Variants in CSMD1 observed in about 807,000 individuals in gnomAD.
CSMD1 encodes the protein CUB and sushi domain-containing protein 1.
CSMD1 carries 213 observed loss-of-function variants against 417.5 expected under a neutral mutation model. The observed-to-expected ratio is 0.51, with a 90% CI of 0.46 to 0.57. CSMD1 has a LOEUF of 0.57. CSMD1 is among the 20% of genes least tolerant of loss of function. The probability of loss-of-function intolerance (pLI) is 0.00; values close to 1 mark genes in which losing one functional copy is unlikely to be tolerated. For synonymous variants in CSMD1, 2,862 were observed against 1,736.8 expected (o/e 1.65, Z -16.11); for missense variants, 6,923 against 4,529.7 (o/e 1.53, Z -15.17).
At chr8:3,770,552 A>C (rs1411891181) in intron 5 of CSMD1, among the ~76,000 whole-genome samples, 1 of 152,152 alleles carries the variant, frequency 6.6e-6, no homozygotes, top group African/African-American at 2.4e-5. Flanking sequence ...ATAAAAAGTA[A>C]AGAAAGAACA....
At chr8:3,247,369 G>A (rs1407845893) in intron 26 of CSMD1, among the ~76,000 whole-genome samples, 4 of 152,024 alleles carry the variant, frequency 2.6e-5, no homozygotes, top group Non-Finnish European at 4.4e-5. Flanking sequence ...CTCCTGAACC[G>A]CTAGCAGTGA....
intron 3 of CSMD1, among the ~76,000 whole-genome samples, chr8:4,307,387 G>A (rs1798307242): frequency 6.6e-6 from 1 of 152,082 alleles, no homozygotes; most frequent in Non-Finnish European, 1.5e-5. Context: ...TTGGCCTCCT[G>A]CACTCTTTTC....
chr8:3,919,928 A>G (rs1809111356), intron 5 of CSMD1, among the ~76,000 whole-genome samples: 1 of 152,150 alleles, frequency 6.6e-6, no homozygotes, highest in South Asian at 2.1e-4. Context: ...TCTTTATCAG[A>G]TAATTTGACT....
chr8:3,762,102 C>G (rs1279650703), intron 5 of CSMD1, among the ~76,000 whole-genome samples: 2 of 152,138 alleles, frequency 1.3e-5, no homozygotes, highest in East Asian at 1.9e-4. Flanking sequence ...CCCACTCACT[C>G]CAGCTTGGCT....
rs2930376 is a variant in CSMD1, at chr8:3,904,459, G to T, written c.818+93444C>A. ...GTCTAGGAATGTCCCAGAGATTTCAGTAAATGCACATTTGGCCATGGTTGT... is the reference window on the plus strand; with the variant it reads ...GTCTAGGAATGTCCCAGAGATTTCATTAAATGCACATTTGGCCATGGTTGT... On this transcript the variant is annotated intron_variant, in intron 5 of 69. Transcript: ENST00000635120. Among the ~76,000 whole-genome samples the T allele has an allele frequency of 4.9e-4, 75 of 152,106 alleles. 2 individuals are homozygous for T. Among genetic ancestry groups the T allele is most frequent in the South Asian group, 3.1e-3 (15 of 4,816 alleles).
chr8:4,215,950 C>G (rs571766532), intron 3 of CSMD1, among the ~76,000 whole-genome samples: 6 of 152,242 alleles, frequency 3.9e-5, no homozygotes, highest in Non-Finnish European at 8.8e-5. Context: ...ATGCCAGTTT[C>G]TTTTGTTGGC....
intron 1 of CSMD1, among the ~76,000 whole-genome samples, chr8:4,902,213 T>C (rs1418858101): frequency 6.6e-6 from 1 of 151,468 alleles, no homozygotes; most frequent in African/African-American, 2.4e-5. Flanking sequence ...AGTTTGAAAC[T>C]CACCTGGGCA....
chr8:3,326,834 C>A lies in CSMD1; in HGVS notation c.3631+16460G>T, dbSNP rs901353637. Among the ~76,000 whole-genome samples, 4 of 152,140 alleles carry A rather than the reference C, an allele frequency of 2.6e-5. No individual in the cohort carries two copies. The South Asian group carries it at 8.3e-4, about 32-fold the overall frequency. The stretch of plus-strand genomic sequence containing the variant: ...TCTTATAGCAGAAGTGTAAAAATGC[C>A]TTTTCAGGATTCTTACAAGGTGTAA... On this transcript the variant is annotated intron_variant, in intron 23 of 69. Coordinates refer to ENST00000635120, the MANE Select transcript of CSMD1 (RefSeq NM_033225.6).
At chr8:3,141,998 C>T (rs1388718120) in intron 41 of CSMD1, among the ~76,000 whole-genome samples, 4 of 152,064 alleles carry the variant, frequency 2.6e-5, no homozygotes, top group South Asian at 4.2e-4. Flanking sequence ...GGGGTTTCAC[C>T]GTGTTAGCCA....
At chr8:4,260,423 A>T (rs922347789) in intron 3 of CSMD1, among the ~76,000 whole-genome samples, 1 of 152,186 alleles carries the variant, frequency 6.6e-6, no homozygotes, top group African/African-American at 2.4e-5. Flanking sequence ...TTTTATTAAT[A>T]TACTAGTATG....
intron 23 of CSMD1, among the ~76,000 whole-genome samples, chr8:3,324,614 C>T (rs1806401121): frequency 6.6e-6 from 1 of 151,176 alleles, no homozygotes; most frequent in Non-Finnish European, 1.5e-5. Flanking sequence ...TTCCCCCCAC[C>T]TTTCATCATT....
At chr8:4,484,992 A>AAAAAAAAAAAAAAAAAAAG (rs1801298062) in intron 2 of CSMD1, among the ~76,000 whole-genome samples, 1 of 19,848 alleles carries the variant, frequency 5.0e-5, no homozygotes, top group Non-Finnish European at 1.6e-4. Context: ...AAAAAAAAAA[A>AAAAAAAAAAAAAAAAAAAG]AAAAAAAAAA....
At chr8:4,238,661 C>G (rs1324461133) in intron 3 of CSMD1, among the ~76,000 whole-genome samples, 1 of 152,260 alleles carries the variant, frequency 6.6e-6, no homozygotes, top group East Asian at 1.9e-4. Flanking sequence ...GTCTTGAAGC[C>G]AACAACCCTG....
intron 3 of CSMD1, among the ~76,000 whole-genome samples, chr8:4,411,572 T>G (rs918061429): frequency 9.2e-5 from 14 of 152,198 alleles, no homozygotes; most frequent in Admixed American, 5.9e-4. Context: ...CTGTGCTCAT[T>G]GCAATGAGCT....
At chr8:3,315,206 A>C (rs1805658822) in intron 23 of CSMD1, among the ~76,000 whole-genome samples, 2 of 152,148 alleles carry the variant, frequency 1.3e-5, no homozygotes, top group Admixed American at 6.5e-5. Context: ...CAGTGTAAAG[A>C]ACTGCATTAA....
At chr8:4,973,596 A>T (rs1810369956) in intron 1 of CSMD1, among the ~76,000 whole-genome samples, 1 of 152,282 alleles carries the variant, frequency 6.6e-6, no homozygotes, top group South Asian at 2.1e-4. Context: ...AAATTGACTT[A>T]AAGTGTTCTC....
intron 5 of CSMD1, among the ~76,000 whole-genome samples, chr8:3,795,454 TATAG>T (rs1800023369): frequency 5.1e-5 from 1 of 19,580 alleles, no homozygotes; most frequent in African/African-American, 1.9e-4. Context: ...CTATCATAGA[TATAG>T]ATATATATCT....
rs911499646 is a variant in CSMD1, at chr8:4,583,629, T to A, written c.302+53713A>T. On this transcript the variant is annotated intron_variant, in intron 2 of 69. Coordinates refer to ENST00000635120, the MANE Select transcript of CSMD1 (RefSeq NM_033225.6). ...TGTATCTAGCTGCTCTGGTGGGGCC[T>A]TGGAGAACCTTTGTGTCCACACTCT... Among the ~76,000 whole-genome samples, 5 of 152,190 alleles carry A rather than the reference T, an allele frequency of 3.3e-5. No individual in the cohort carries two copies. In the South Asian group the frequency reaches 1.0e-3, roughly 32 times the overall value.
intron 1 of CSMD1, among the ~76,000 whole-genome samples, chr8:4,979,809 G>C (rs62489456): frequency 3.3e-5 from 5 of 151,990 alleles, no homozygotes; most frequent in Non-Finnish European, 7.4e-5. Flanking sequence ...AGGCTGAAGC[G>C]GGTGGATCAC....
Sources: gnomAD v4.1 joint callset for allele counts (sites outside exome capture counted in the v4.1 genomes callset) on GRCh38, gnomAD v4.1.1 for gene constraint, MANE v1.5 for transcripts, NCBI Gene and HGNC (gene_info 2026-07-23, HGNC 2026-07-21) for gene names.